Variants in MAPK10 observed in about 807,000 individuals in gnomAD.
The protein encoded by MAPK10 is mitogen-activated protein kinase 10.
In MAPK10, 25 loss-of-function variants were observed where a neutral mutation model predicts 59.3. The observed-to-expected ratio is 0.42, with a 90% CI of 0.31 to 0.59. The LOEUF is 0.59. Ranked by LOEUF, MAPK10 falls within the 20% of genes least tolerant of loss-of-function variation. MAPK10 has a pLI of 0.15. For synonymous variants in MAPK10, 190 were observed against 200.5 expected (o/e 0.95, Z 0.44); for missense variants, 351 against 568.9 (o/e 0.62, Z 3.90).
intron 1 of MAPK10, among the ~76,000 whole-genome samples, chr4:86,533,189 G>T (rs1467754095): frequency 6.6e-6 from 1 of 152,176 alleles, no homozygotes; most frequent in East Asian, 1.9e-4. Context: ...TACACAATGT[G>T]CCTAGAGTAA....
chr4:86,538,140 T>C (rs928101585), intron 1 of MAPK10, among the ~76,000 whole-genome samples: 2 of 149,940 alleles, frequency 1.3e-5, no homozygotes, highest in African/African-American at 4.8e-5. Flanking sequence ...TACTATAGCC[T>C]TATAATAAAT....
At chr4:86,220,278 G>T (rs112383971) in intron 2 of MAPK10, among the ~76,000 whole-genome samples, 22 of 152,234 alleles carry the variant, frequency 1.4e-4, no homozygotes, top group African/African-American at 4.6e-4. Flanking sequence ...TGGCCTGTAT[G>T]GAGCCATCAT....
chr4:86,129,396 A>G (rs936270611), intron 4 of MAPK10, among the ~76,000 whole-genome samples: 1 of 152,214 alleles, frequency 6.6e-6, no homozygotes, highest in African/African-American at 2.4e-5. Context: ...GAAACGTAGT[A>G]AAACCAGATA....
At chr4:86,141,244 G>C (rs10027764) in intron 4 of MAPK10, among the ~76,000 whole-genome samples, 2,075 of 152,274 alleles carry the variant, frequency 0.014, 27 homozygotes, top group East Asian at 0.057. Context: ...CATGACACTG[G>C]TATCTTACAA....
intron 1 of MAPK10, among the ~76,000 whole-genome samples, chr4:86,589,735 A>G (rs1762891425): frequency 6.6e-6 from 1 of 152,016 alleles, no homozygotes; most frequent in South Asian, 2.1e-4. Context: ...TTTTACTTCT[A>G]GAAGCTAAAC....
At chr4:86,326,974 T>C (rs1199375826) in intron 2 of MAPK10, 2 of 152,200 alleles carry the variant, frequency 1.3e-5, no homozygotes, top group Non-Finnish European at 2.9e-5. Context: ...GTAAGTCTTT[T>C]TATTTCATTT....
chr4:86,413,232 G>A (rs1423776989), intron 1 of MAPK10, among the ~76,000 whole-genome samples: 1 of 152,190 alleles, frequency 6.6e-6, no homozygotes, highest in East Asian at 1.9e-4. Flanking sequence ...ATCACCAGCA[G>A]AGACTGCAGA....
intron 2 of MAPK10, among the ~76,000 whole-genome samples, chr4:86,230,992 C>T (rs2091452169): frequency 1.3e-5 from 2 of 152,146 alleles, no homozygotes; most frequent in Non-Finnish European, 2.9e-5. Context: ...GAACGAATAT[C>T]TAATTTTAGG....
chr4:86,339,831 G>A (rs77959747), intron 2 of MAPK10, among the ~76,000 whole-genome samples: 1 of 152,200 alleles, frequency 6.6e-6, no homozygotes, highest in Non-Finnish European at 1.5e-5. Flanking sequence ...TATAAGTCAT[G>A]TGTCATAAGG....
At chr4:86,493,954 A>G (rs888291173) in intron 1 of MAPK10, among the ~76,000 whole-genome samples, 2 of 152,136 alleles carry the variant, frequency 1.3e-5, no homozygotes, top group African/African-American at 2.4e-5. Context: ...AGGCACTGTA[A>G]TATCTAGGAA....
intron 1 of MAPK10, among the ~76,000 whole-genome samples, chr4:86,532,356 G>A (rs1398421836): frequency 6.6e-6 from 1 of 152,020 alleles, no homozygotes; most frequent in Non-Finnish European, 1.5e-5. Context: ...GACAGTTGAG[G>A]CAAAGGAAAA....
At chr4:86,071,701 T>C (rs560412608) in intron 9 of MAPK10, among the ~76,000 whole-genome samples, 116 of 151,608 alleles carry the variant, frequency 7.7e-4, no homozygotes, top group Non-Finnish European at 4.0e-4. Flanking sequence ...CAGATAGTTG[T>C]AGGTATGCGG....
intron 9 of MAPK10, chr4:86,082,371 C>A (rs111353092): frequency 1.3e-5 from 2 of 152,234 alleles, no homozygotes; most frequent in African/African-American, 4.8e-5. Flanking sequence ...TTTATAATTT[C>A]TTAAGTAAAA....
intron 1 of MAPK10, among the ~76,000 whole-genome samples, chr4:86,504,895 T>C (rs1755615439): frequency 6.6e-6 from 1 of 152,086 alleles, no homozygotes; most frequent in Admixed American, 6.6e-5. Context: ...CAAGTCCAAT[T>C]TCACCTGCCT....
At chr4:86,565,536 G>T (rs1760997666) in intron 1 of MAPK10, among the ~76,000 whole-genome samples, 1 of 152,146 alleles carries the variant, frequency 6.6e-6, no homozygotes, top group South Asian at 2.1e-4. Flanking sequence ...GGTCTTCAAG[G>T]TCCCTCTAAA....
At chr4:86,374,585 A>T (rs556283656) in intron 1 of MAPK10, among the ~76,000 whole-genome samples, 82 of 152,186 alleles carry the variant, frequency 5.4e-4, no homozygotes, top group Non-Finnish European at 9.3e-4. Context: ...AAGAAAAGGC[A>T]GAAGAAGCCC....
At chr4:86,569,854 T>C (rs1578142766) in intron 1 of MAPK10, among the ~76,000 whole-genome samples, 1 of 152,040 alleles carries the variant, frequency 6.6e-6, no homozygotes, top group Non-Finnish European at 1.5e-5. Context: ...TTCAGTACAA[T>C]GCACACTATT....
intron 1 of MAPK10, among the ~76,000 whole-genome samples, chr4:86,497,802 A>G (rs944064934): frequency 6.6e-6 from 1 of 152,164 alleles, no homozygotes; most frequent in African/African-American, 2.4e-5. Flanking sequence ...AACAATCAGC[A>G]CTTGCACTCC....
At chr4:86,424,452 G>T (rs1747002422) in intron 1 of MAPK10, among the ~76,000 whole-genome samples, 1 of 152,100 alleles carries the variant, frequency 6.6e-6, no homozygotes, top group African/African-American at 2.4e-5. Context: ...GCCTCCCAAA[G>T]TGTTGGGAGA....
Sources: gnomAD v4.1 joint callset for allele counts (sites outside exome capture counted in the v4.1 genomes callset) on GRCh38, gnomAD v4.1.1 for gene constraint, MANE v1.5 for transcripts, NCBI Gene and HGNC (gene_info 2026-07-23, HGNC 2026-07-21) for gene names.